Variants in PPARD observed in about 807,000 individuals in gnomAD.
PPARD encodes the protein peroxisome proliferator activated receptor delta.
A neutral mutation model predicts 39.5 loss-of-function variants in PPARD; 6 were observed. The observed-to-expected ratio is 0.15, with a 90% CI of 0.08 to 0.30. PPARD has a LOEUF of 0.30. PPARD is among the 10% of genes least tolerant of loss of function. PPARD has a pLI of 1.00. For synonymous variants in PPARD, 210 were observed against 231.3 expected (o/e 0.91, Z 0.83); for missense variants, 397 against 596.8 (o/e 0.67, Z 3.49).
chr6:35,387,525 G>C (rs552283923), intron 2 of PPARD, among the ~76,000 whole-genome samples: 30 of 152,224 alleles, frequency 2.0e-4, no homozygotes, highest in Middle Eastern at 3.4e-3. Flanking sequence ...AAGGTGATTG[G>C]TTTCCTGGGT....
At chr6:35,420,819 C>CTTTTTTTTTTT (rs35852986) in intron 4 of PPARD, among the ~76,000 whole-genome samples, 10 of 85,740 alleles carry the variant, frequency 1.2e-4, no homozygotes, top group East Asian at 4.6e-4. Flanking sequence ...AACAAAGAAG[C>CTTTTTTTTTTT]TTTTTTTTTT....
chr6:35,366,592 C>G lies in PPARD; in HGVS notation c.-102+19442C>G, dbSNP rs1762219067. Among the ~76,000 whole-genome samples, 1 of 151,626 alleles carries G rather than the reference C, an allele frequency of 6.6e-6. No individual in the cohort carries two copies. The highest frequency in any genetic ancestry group is 1.5e-5 in the Non-Finnish European group (1 of 68,006). On this transcript the variant is annotated intron_variant, in intron 2 of 7. Transcript: ENST00000360694. The surrounding 1 kb of genome is among the most constrained non-coding windows in gnomAD (Gnocchi z 4.6). ...TTTAAGACAATCTCACTCTGTCACC[C>G]AGGCTGGAGTGCAGTGGCATGATCT...
chr6:35,352,367 G>A (rs959297878), intron 2 of PPARD, among the ~76,000 whole-genome samples: 6 of 151,836 alleles, frequency 4.0e-5, no homozygotes. Flanking sequence ...TATTTTTTTA[G>A]TAGAGATGGG....
chr6:35,389,468 T>C (rs1473551676), intron 2 of PPARD, among the ~76,000 whole-genome samples: 1 of 152,022 alleles, frequency 6.6e-6, no homozygotes, highest in Non-Finnish European at 1.5e-5. Context: ...CCTGCCACCA[T>C]GCCCGGCTAA....
chr6:35,423,095 G>A (rs562101709), intron 5 of PPARD, among the ~76,000 whole-genome samples: 2 of 150,214 alleles, frequency 1.3e-5, no homozygotes, highest in African/African-American at 4.9e-5. Flanking sequence ...GCCAGGCTTG[G>A]TGGCGTGCAC....
At chr6:35,398,261 T>TA (rs534958508) in intron 2 of PPARD, among the ~76,000 whole-genome samples, 29 of 152,252 alleles carry the variant, frequency 1.9e-4, no homozygotes, top group African/African-American at 6.7e-4. Flanking sequence ...AGGAGGCTGT[T>TA]AAGTAATCCA....
At chr6:35,379,061 A>G (rs1446095360) in intron 2 of PPARD, among the ~76,000 whole-genome samples, 1 of 151,748 alleles carries the variant, frequency 6.6e-6, no homozygotes, top group Admixed American at 6.6e-5. Context: ...AGAGGTGGGC[A>G]CAGGGTTAGG....
intron 2 of PPARD, among the ~76,000 whole-genome samples, chr6:35,355,446 G>A (rs190906782): frequency 1.0e-3 from 158 of 151,026 alleles, no homozygotes; most frequent in African/African-American, 3.7e-3. Flanking sequence ...CTACTCCTTG[G>A]GGGGCTGAGG....
At chr6:35,416,478 C>T (rs1400957818) in intron 3 of PPARD, among the ~76,000 whole-genome samples, 1 of 149,016 alleles carries the variant, frequency 6.7e-6, no homozygotes, top group Non-Finnish European at 1.5e-5. Context: ...ATATGTAAGA[C>T]CAACATAGCC....
At position 35,421,185 on chromosome 6, in the gene PPARD, ACTC is replaced by A. The variant is rs9658153; in HGVS notation, c.286-632_286-630del. The stretch of plus-strand genomic sequence containing the variant: ...ACCATGTTGGCTAGGCTGGTCTTGA[ACTC>A]CTGACCTCAGGTGATCCACCCACCT... On this transcript the variant is annotated intron_variant, in intron 4 of 7. Transcript: ENST00000360694. Among the ~76,000 whole-genome samples, 41 of 151,388 alleles carry A rather than the reference ACTC, an allele frequency of 2.7e-4. No individual in the cohort carries two copies. The East Asian group carries it at 7.2e-3, about 27-fold the overall frequency.
intron 2 of PPARD, chr6:35,348,847 G>C (rs1761044702): frequency 1.0e-6 from 1 of 985,292 alleles, no homozygotes; most frequent in South Asian, 4.7e-5. Context: ...AGAGGGAAGA[G>C]GTCAAAGTAC....
At chr6:35,406,084 C>T (rs771658309) in intron 2 of PPARD, among the ~76,000 whole-genome samples, 2 of 152,044 alleles carry the variant, frequency 1.3e-5, no homozygotes, top group Non-Finnish European at 2.9e-5. Context: ...CACCACCGCA[C>T]CTATCTGATT....
chr6:35,394,982 G>A (rs1201003436), intron 2 of PPARD, among the ~76,000 whole-genome samples: 3 of 152,142 alleles, frequency 2.0e-5, no homozygotes, highest in Non-Finnish European at 4.4e-5. Flanking sequence ...GTAGCAGGTT[G>A]CCCAGAGGTA....
intron 3 of PPARD, among the ~76,000 whole-genome samples, chr6:35,419,050 A>G (rs576160233): frequency 6.6e-6 from 1 of 152,180 alleles, no homozygotes; most frequent in East Asian, 1.9e-4. Context: ...GACAGGTATT[A>G]CCACAGGCCT....
chr6:35,400,353 T>G (rs1764625603), intron 2 of PPARD, among the ~76,000 whole-genome samples: 1 of 152,164 alleles, frequency 6.6e-6, no homozygotes, highest in East Asian at 1.9e-4. Flanking sequence ...GGTGTAGTGA[T>G]AAATGAAATA....
At chr6:35,415,846 G>A (rs1765725373) in intron 3 of PPARD, among the ~76,000 whole-genome samples, 1 of 146,724 alleles carries the variant, frequency 6.8e-6, no homozygotes, top group Non-Finnish European at 1.5e-5. Flanking sequence ...TCACACAGTT[G>A]TTGGAGTGGC....
chr6:35,376,760 C>T (rs1335073520), intron 2 of PPARD, among the ~76,000 whole-genome samples: 1 of 150,014 alleles, frequency 6.7e-6, no homozygotes, highest in Non-Finnish European at 1.5e-5. Context: ...GTGGCTCACA[C>T]CTGTAATCCC....
intron 2 of PPARD, among the ~76,000 whole-genome samples, chr6:35,389,156 G>C (rs998117269): frequency 6.6e-6 from 1 of 152,172 alleles, no homozygotes; most frequent in African/African-American, 2.4e-5. Context: ...ATTCCAGCTT[G>C]GCCTGGACAA....
intron 2 of PPARD, among the ~76,000 whole-genome samples, chr6:35,397,075 C>T (rs1390710538): frequency 6.6e-6 from 1 of 152,142 alleles, no homozygotes; most frequent in Non-Finnish European, 1.5e-5. Flanking sequence ...ACTCTTCCCT[C>T]GTGCACAGCC....
Sources: allele counts gnomAD v4.1 joint callset (sites outside exome capture counted in the v4.1 genomes callset), GRCh38; gene constraint gnomAD v4.1.1; non-coding constraint Gnocchi (gnomAD v3.1); transcripts MANE v1.5; gene names NCBI Gene and HGNC (gene_info 2026-07-23, HGNC 2026-07-21).